Variants in MMP26 observed in about 807,000 individuals in gnomAD.
MMP26 encodes the protein matrix metallopeptidase 26, also known as matrix metalloproteinase-26.
In MMP26, 33 loss-of-function variants were observed where a neutral mutation model predicts 31.0. That is an observed-to-expected ratio of 1.06 (90% CI 0.81 to 1.42). MMP26 has a LOEUF of 1.42. Among genes scored for constraint, MMP26 ranks in the 40% most tolerant of loss-of-function variants. The pLI is 0.00. For missense variants in MMP26, 347 were observed against 316.1 expected (o/e 1.10, Z -0.74); for synonymous variants, 122 against 114.9 (o/e 1.06, Z -0.40).
At chr11:4,828,335 G>A (rs1214212484) in intron 2 of MMP26, among the ~76,000 whole-genome samples, 1 of 152,112 alleles carries the variant, frequency 6.6e-6, no homozygotes, top group Non-Finnish European at 1.5e-5. Flanking sequence ...CCTACTCACT[G>A]ACGATCCATA....
intron 2 of MMP26, chr11:4,804,731 G>A (rs540847617): frequency 3.7e-5 from 14 of 377,500 alleles, no homozygotes; most frequent in Non-Finnish European, 5.7e-5. Context: ...GATTGCTTGA[G>A]GTCAGGAGTT....
chr11:4,845,150 A>G (rs1382304422), intron 2 of MMP26, among the ~76,000 whole-genome samples: 3 of 152,162 alleles, frequency 2.0e-5, no homozygotes, highest in Non-Finnish European at 4.4e-5. Context: ...AAGTAATCTC[A>G]TTTACAATAG....
intron 2 of MMP26, among the ~76,000 whole-genome samples, chr11:4,956,717 T>A (rs1846448777): frequency 6.6e-6 from 1 of 152,208 alleles, no homozygotes; most frequent in Non-Finnish European, 1.5e-5. Flanking sequence ...CATCGCTAAC[T>A]AAATATCCCT....
intron 2 of MMP26, among the ~76,000 whole-genome samples, chr11:4,824,246 A>G (rs1849551990): frequency 6.6e-6 from 1 of 152,112 alleles, no homozygotes; most frequent in Non-Finnish European, 1.5e-5. Context: ...TGGTGCTGAG[A>G]AGTTCTCTAT....
intron 2 of MMP26, among the ~76,000 whole-genome samples, chr11:4,883,653 C>G (rs1850510107): frequency 6.6e-6 from 1 of 151,960 alleles, no homozygotes; most frequent in African/African-American, 2.4e-5. Context: ...TTTCTATTTG[C>G]TCTTGTTTCT....
intron 2 of MMP26, among the ~76,000 whole-genome samples, chr11:4,910,208 C>G (rs762071658): frequency 6.6e-6 from 1 of 151,918 alleles, no homozygotes; most frequent in African/African-American, 2.4e-5. Flanking sequence ...CCTCATAGAT[C>G]CCCTCTTTCA....
At chr11:4,924,045 A>C in intron 2 of MMP26, 1 of 1,614,168 alleles carries the variant, frequency 6.2e-7, no homozygotes, top group Non-Finnish European at 8.5e-7. Flanking sequence ...TGAGTGAAAC[A>C]GGCAGGGATG....
chr11:4,847,150 A>G (rs1427236338), intron 2 of MMP26, among the ~76,000 whole-genome samples: 1 of 152,208 alleles, frequency 6.6e-6, no homozygotes, highest in Non-Finnish European at 1.5e-5. Flanking sequence ...CTTTTATCAC[A>G]TCCACTAACA....
intron 2 of MMP26, chr11:4,881,738 A>T: frequency 1.5e-6 from 1 of 664,000 alleles, no homozygotes; most frequent in Non-Finnish European, 2.6e-6. Flanking sequence ...GCCTAGATAT[A>T]CTATTTAACC....
chr11:4,713,479 A>G (rs1236887780), intron 1 of MMP26, among the ~76,000 whole-genome samples: 1 of 151,816 alleles, frequency 6.6e-6, no homozygotes, highest in Non-Finnish European at 1.5e-5. Flanking sequence ...GATAAACACA[A>G]CTCTTCTGTA....
chr11:4,824,472 T>C lies in MMP26; in HGVS notation c.-145+57131T>C, dbSNP rs115423627. ...ATTCTCATTGTTAATAGGAAGCCCA[T>C]TTCCACAGAAGCATCTTTCATTGTT... On this transcript the variant is annotated intron_variant, in intron 2 of 7. Transcript: ENST00000380390. Among the ~76,000 whole-genome samples the C allele has an allele frequency of 4.9e-3, 748 of 152,238 alleles. 6 individuals are homozygous for C. The highest frequency in any genetic ancestry group is 0.017 in the African/African-American group (720 of 41,550).
chr11:4,848,851 A>T, intron 2 of MMP26: 1 of 1,614,144 alleles, frequency 6.2e-7, no homozygotes, highest in Non-Finnish European at 8.5e-7. Flanking sequence ...AAGACAGAGG[A>T]CTCCATGACA....
intron 2 of MMP26, chr11:4,859,536 A>G (rs1000772882): frequency 7.1e-5 from 26 of 367,844 alleles, no homozygotes; most frequent in African/African-American, 1.1e-4. Flanking sequence ...TTGATGCACC[A>G]TAACTGTGGA....
chr11:4,821,444 T>C, intron 2 of MMP26: 1 of 1,613,910 alleles, frequency 6.2e-7, no homozygotes, highest in Non-Finnish European at 8.5e-7. Flanking sequence ...AATAATACCA[T>C]TGCTGAGCCT....
chr11:4,758,372 C>T (rs1369888067), intron 1 of MMP26, among the ~76,000 whole-genome samples: 2 of 143,802 alleles, frequency 1.4e-5, no homozygotes, highest in Non-Finnish European at 3.0e-5. Context: ...CACAAGTGAA[C>T]ATTGAGTTAC....
intron 1 of MMP26, among the ~76,000 whole-genome samples, chr11:4,713,582 C>A (rs1847889173): frequency 6.7e-6 from 1 of 149,858 alleles, no homozygotes; most frequent in African/African-American, 2.5e-5. Flanking sequence ...GGAAAAGACT[C>A]TGTTTTATTC....
chr11:4,925,034 A>T (rs1053190366), intron 2 of MMP26, among the ~76,000 whole-genome samples: 1 of 152,202 alleles, frequency 6.6e-6, no homozygotes, highest in Non-Finnish European at 1.5e-5. Flanking sequence ...TAAAATCCTA[A>T]AAGATAACAT....
chr11:4,939,144 T>C (rs1381916025), intron 2 of MMP26, among the ~76,000 whole-genome samples: 1 of 152,178 alleles, frequency 6.6e-6, no homozygotes, highest in Non-Finnish European at 1.5e-5. Flanking sequence ...TATTATTTGA[T>C]GTCTATCTTC....
intron 1 of MMP26, among the ~76,000 whole-genome samples, chr11:4,707,187 C>T (rs1321368736): frequency 6.6e-6 from 1 of 152,170 alleles, no homozygotes; most frequent in East Asian, 1.9e-4. Flanking sequence ...TTCTTGTCAA[C>T]ACTTGCTATT....
Sources: allele counts gnomAD v4.1 joint callset (sites outside exome capture counted in the v4.1 genomes callset), GRCh38; gene constraint gnomAD v4.1.1; transcripts MANE v1.5; gene names NCBI Gene and HGNC (gene_info 2026-07-23, HGNC 2026-07-21).